Variants in SIPA1L3 observed in about 807,000 individuals in gnomAD.
SIPA1L3 encodes the protein signal-induced proliferation-associated 1-like protein 3.
In SIPA1L3, 59 loss-of-function variants were observed where a neutral mutation model predicts 150.1. The ratio of observed to expected loss-of-function variants is 0.39; its 90% CI spans 0.32 to 0.49. SIPA1L3 has a LOEUF of 0.49. SIPA1L3 is among the 20% of genes least tolerant of loss of function. The pLI, the probability that SIPA1L3 is intolerant of heterozygous loss-of-function variation, is 0.86. For missense variants in SIPA1L3, 2,211 were observed against 2,489.5 expected (o/e 0.89, Z 2.38); for synonymous variants, 1,070 against 1,077.6 (o/e 0.99, Z 0.14).
rs779545831 is a variant in SIPA1L3, at chr19:38,106,685, C to T, written c.2133+45C>T. On this transcript the variant is annotated intron_variant, in intron 7 of 21. Transcript: ENST00000222345. ...GGCACGGCTGCCGGATGTTGGCTGC[C>T]CACCCACCAGCATTGGCCCTCCCAG... 3.0e-6 allele frequency: 4 copies of T among 1,354,256 alleles called. No individual in the cohort carries two copies. In the South Asian group the frequency reaches 4.7e-5, roughly 16 times the overall value. 83.9% of individuals were successfully genotyped at this position (1,354,256 alleles called of 1,614,324 possible).
chr19:38,105,112 C>G (rs1271696340), intron 6 of SIPA1L3, among the ~76,000 whole-genome samples: 4 of 151,744 alleles, frequency 2.6e-5, no homozygotes, highest in Non-Finnish European at 1.5e-5. Context: ...AATCCCAGCA[C>G]TTTGGGAGGC....
intron 1 of SIPA1L3, among the ~76,000 whole-genome samples, chr19:37,947,276 T>G (rs1312646941): frequency 6.6e-6 from 1 of 151,396 alleles, no homozygotes; most frequent in Admixed American, 6.6e-5. Flanking sequence ...GATCACAAGG[T>G]CAGGAGATCG....
At chr19:38,142,829 C>T in intron 12 of SIPA1L3, 119 bp downstream of exon 12, 1 of 1,300,796 alleles carries the variant, frequency 7.7e-7, no homozygotes. Context: ...TTCTGGACCC[C>T]TGAAGGTCCT....
chr19:37,998,714 G>C (rs140760260), intron 1 of SIPA1L3, among the ~76,000 whole-genome samples: 3 of 152,252 alleles, frequency 2.0e-5, no homozygotes, highest in East Asian at 3.9e-4. Context: ...CTTGAGCCTG[G>C]GAGGTTGAGG....
At chr19:37,928,086 G>A (rs1325260323) in intron 1 of SIPA1L3, among the ~76,000 whole-genome samples, 1 of 152,140 alleles carries the variant, frequency 6.6e-6, no homozygotes, top group Non-Finnish European at 1.5e-5. Flanking sequence ...CCAGAAATGG[G>A]ATTGCTGGGT....
intron 1 of SIPA1L3, among the ~76,000 whole-genome samples, chr19:37,913,731 T>A (rs1461004652): frequency 7.0e-6 from 1 of 142,622 alleles, no homozygotes; most frequent in Non-Finnish European, 1.5e-5. Context: ...TTAAAAAAAA[T>A]CCTGGCTGGG....
chr19:37,907,454 G>C (rs559639340), intron 1 of SIPA1L3, 96 bp downstream of exon 1: 1 of 152,474 alleles, frequency 6.6e-6, no homozygotes, highest in Admixed American at 6.5e-5. Flanking sequence ...GGACGGCCGG[G>C]TGTGGGTACT....
chr19:38,193,035 C>T (rs958519743), intron 17 of SIPA1L3, among the ~76,000 whole-genome samples: 3 of 151,992 alleles, frequency 2.0e-5, no homozygotes, highest in South Asian at 2.1e-4. Flanking sequence ...AAAACTGGAG[C>T]GCTTTGATCA....
chr19:38,106,523 C>T lies in SIPA1L3; in HGVS notation c.2030-14C>T. 6 of 1,571,982 alleles carry T rather than the reference C, an allele frequency of 3.8e-6. No homozygotes were observed. The highest frequency in any genetic ancestry group is 5.3e-6 in the Non-Finnish European group (6 of 1,141,490). On this transcript the variant is annotated splice_polypyrimidine_tract_variant and intron_variant, in intron 6 of 21. Transcript: ENST00000222345. ...GTTTTGGAAACATGGTCCTAACTGG[C>T]ATTTCTGTTTCAGCCGACTCCACGG...
chr19:37,936,246 G>A (rs2046599125), intron 1 of SIPA1L3, among the ~76,000 whole-genome samples: 1 of 152,144 alleles, frequency 6.6e-6, no homozygotes, highest in Admixed American at 6.5e-5. Context: ...TGGGCCCATT[G>A]CCACCCTGAG....
intron 2 of SIPA1L3, among the ~76,000 whole-genome samples, chr19:38,036,859 C>T (rs906061120): frequency 1.3e-5 from 2 of 152,138 alleles, no homozygotes; most frequent in African/African-American, 4.8e-5. Context: ...CTTGGAGCCT[C>T]ACAGGCTGCA....
chr19:38,130,767 C>G lies in SIPA1L3; in HGVS notation c.3138C>G (p.Pro1046=), dbSNP rs929032349. ...VIIPPFEDGT[P]RRGWPETYDM... is the part of the protein sequence containing the mutation. ...TCCCGCCTTTTGAGGACGGCACTCC[C>G]CGGAGGTAAGGGCCTCCACCTTTCA... The change falls in exon 10 of 22, where the codon CCC becomes CCG. Residue 1046 remains proline, a synonymous_variant. Transcript: ENST00000222345. 6.9e-6 allele frequency: 11 copies of G among 1,601,904 alleles called. No individual in the cohort carries two copies. The African/African-American group carries it at 1.3e-4, about 19-fold the overall frequency.
intron 12 of SIPA1L3, among the ~76,000 whole-genome samples, chr19:38,152,297 AT>A (rs1971841491): frequency 6.6e-6 from 1 of 152,206 alleles, no homozygotes. Context: ...ACCTACTGTT[AT>A]CGCCTCTTGA....
intron 17 of SIPA1L3, among the ~76,000 whole-genome samples, chr19:38,193,334 G>T (rs1319626443): frequency 7.2e-6 from 1 of 139,504 alleles, no homozygotes; most frequent in Non-Finnish European, 1.5e-5. Flanking sequence ...GGGCGACAGA[G>T]TGAGACCCTG....
chr19:37,929,539 T>C lies in SIPA1L3; in HGVS notation c.-379+22181T>C, dbSNP rs1188327832. On this transcript the variant is annotated intron_variant, in intron 1 of 21. Coordinates refer to ENST00000222345, the MANE Select transcript of SIPA1L3 (RefSeq NM_015073.3). ...GAATACCAAGTATTCTGTCTGGCAA[T>C]TCAGGGAAACTTGAGTTGGGTGATG... Among the ~76,000 whole-genome samples the C allele has an allele frequency of 3.3e-5, 5 of 152,286 alleles. No homozygotes were observed. In the East Asian group the frequency reaches 7.7e-4, roughly 24 times the overall value.
At chr19:38,122,560 G>A (rs951536099) in intron 9 of SIPA1L3, among the ~76,000 whole-genome samples, 3 of 152,120 alleles carry the variant, frequency 2.0e-5, no homozygotes, top group African/African-American at 4.8e-5. Flanking sequence ...TGTTCTCGAC[G>A]TGGTAGTGAG....
Position 38,082,834 on chromosome 19 carries a change from G to A in SIPA1L3, c.1269G>A (p.Leu423=). 6.2e-7 allele frequency: 1 copy of A among 1,613,696 alleles called. No individual in the cohort carries two copies. The highest frequency in any genetic ancestry group is 1.7e-5 in the Admixed American group (1 of 60,030). ...TCGGCGATGACAACAGCAACGACCT[G>A]CTGCTCAGCTGCCCGCACTTCCGCA... ...QDLGDDNSND[L]LLSCPHFRNE... is the part of the protein sequence containing the mutation. Residue 423 remains leucine (L), a synonymous_variant, in exon 3 of 22, where the codon CTG becomes CTA. Transcript: ENST00000222345.
At chr19:37,926,477 C>T (rs1213915199) in intron 1 of SIPA1L3, among the ~76,000 whole-genome samples, 1 of 152,180 alleles carries the variant, frequency 6.6e-6, no homozygotes, top group Non-Finnish European at 1.5e-5. Context: ...TGGTGTGACT[C>T]ACATGGTGGG....
chr19:38,102,393 G>T (rs1173722623), intron 6 of SIPA1L3, among the ~76,000 whole-genome samples: 2 of 151,678 alleles, frequency 1.3e-5, no homozygotes, highest in Admixed American at 6.6e-5. Flanking sequence ...ACCCAGACTG[G>T]TCTCAAACAC....
Sources: gnomAD v4.1 joint callset for allele counts (sites outside exome capture counted in the v4.1 genomes callset) on GRCh38, gnomAD v4.1.1 for gene constraint, MANE v1.5 for transcripts, NCBI Gene and HGNC (gene_info 2026-07-23, HGNC 2026-07-21) for gene names.